FLNC: variants seen among roughly 807,000 people sequenced by gnomAD.
FLNC encodes filamin C.
In FLNC, 91 loss-of-function variants were observed where a neutral mutation model predicts 254.3. That is an observed-to-expected ratio of 0.36 (90% CI 0.30 to 0.43). The LOEUF (loss-of-function observed/expected upper bound fraction) is 0.43, where lower values mean the gene tolerates loss of function less well. FLNC is among the 20% of genes least tolerant of loss of function. The probability of loss-of-function intolerance (pLI) is 1.00; values close to 1 mark genes in which losing one functional copy is unlikely to be tolerated. For synonymous variants in FLNC, 1,430 were observed against 1,577.2 expected (o/e 0.91, Z 2.21); for missense variants, 2,853 against 3,802.6 (o/e 0.75, Z 6.57).
At position 128,840,671 on chromosome 7, in the gene FLNC, G is replaced by T. The variant is rs776881635; in HGVS notation, c.1673G>T (p.Arg558Leu). 11 of 1,614,070 alleles carry T rather than the reference G, an allele frequency of 6.8e-6. No individual in the cohort carries two copies. In the Admixed American group the frequency reaches 1.5e-4, roughly 22 times the overall value. ...TITWGGYAIP[R>L]SPFEVQVSPE... ...ACGTGGGGCGGCTACGCCATCCCTCGCAGGTGAGTACCTTGCGCCCCCCAT... is the reference window on the plus strand; with the variant it reads ...ACGTGGGGCGGCTACGCCATCCCTCTCAGGTGAGTACCTTGCGCCCCCCAT... Residue 558 changes from arginine (R) to leucine (L), a missense_variant, in exon 10 of 48, where the codon CGC becomes CTC. Physicochemically the swap from Arg to Leu is moderately radical, Grantham distance 102. Around this residue, in one of 10 missense-constraint regions of FLNC, gnomAD observed 1,573 missense variants for 1,883.5 expected, o/e 0.84. Transcript: ENST00000325888.
chr7:128,846,204 A>AGGGCCGGGCAG, intron 22 of FLNC, 41 bp downstream of exon 22: 1 of 1,475,598 alleles, frequency 6.8e-7, no homozygotes, highest in Non-Finnish European at 9.0e-7. Flanking sequence ...GGGCTGGGCA[A>AGGGCCGGGCAG]GTGGGCAGGG....
chr7:128,835,642 G>T lies in FLNC; in HGVS notation c.601+68G>T. 1 of 1,557,806 alleles carries T rather than the reference G, an allele frequency of 6.4e-7. No individual in the cohort carries two copies. Among genetic ancestry groups the T allele is most frequent in the Non-Finnish European group, 8.8e-7 (1 of 1,139,310 alleles). ...AAGACAGAGGGGACAAGCTGGGGCT[G>T]CCAAGGCGTGTGGTTGTCAGAATGC... On this transcript the variant is annotated intron_variant, in intron 2 of 47. Coordinates refer to ENST00000325888, the MANE Select transcript of FLNC (RefSeq NM_001458.5). The surrounding 1 kb of genome is among the most constrained non-coding windows in gnomAD (Gnocchi z 5.3).
chr7:128,834,897 G>C (rs1008823597), intron 1 of FLNC, among the ~76,000 whole-genome samples: 1 of 152,174 alleles, frequency 6.6e-6, no homozygotes, highest in African/African-American at 2.4e-5. Context: ...ACGGCTTCGT[G>C]ATATATCCAT....
Position 128,841,134 on chromosome 7 carries a change from A to G in FLNC, c.1814-36A>G. The G allele has an allele frequency of 6.2e-7, 1 of 1,608,454 alleles. No individual in the cohort carries two copies. Among genetic ancestry groups the G allele is most frequent in the South Asian group, 1.1e-5 (1 of 90,698 alleles). On this transcript the variant is annotated intron_variant, in intron 11 of 47. Coordinates refer to ENST00000325888, the MANE Select transcript of FLNC (RefSeq NM_001458.5). The surrounding 1 kb of genome is among the most constrained non-coding windows in gnomAD (Gnocchi z 4.3). ...CTGGGGGACGGAAGGGTCTTGCCTG[A>G]TGCTGGATCCCCGACCCTCCCCCAC...
In FLNC at chr7:128,853,569, C is replaced by T. The variant is rs376992044; in HGVS notation, c.6309C>T (p.Thr2103=). Residue 2103 remains threonine (T), a synonymous_variant, in exon 38 of 48, where the codon ACC becomes ACT. Transcript: ENST00000325888. ...CATGCAAAGTCACCTACTGCCCCAC[C>T]GAGCCCGGCACCTACATCATCAACA... ...DGTCKVTYCP[T]EPGTYIINIK... 1.5e-3 allele frequency: 2,415 copies of T among 1,614,150 alleles called. 3 individuals carry two copies. The highest frequency in any genetic ancestry group is 1.9e-3 in the Non-Finnish European group (2,203 of 1,180,040).
rs961990720 is a variant in FLNC, at chr7:128,853,114, C to T, written c.6208+83C>T. The T allele has an allele frequency of 1.7e-5, 23 of 1,351,368 alleles. No individual in the cohort carries two copies. In the Admixed American group the frequency reaches 2.2e-4, roughly 13 times the overall value. The allele number at this position is 1,351,368 out of a possible 1,614,324, so 83.7% of individuals were successfully genotyped here. A position where few individuals can be genotyped will look rare whatever the true frequency, so the allele number is the denominator to read the frequency against. On this transcript the variant is annotated intron_variant, in intron 37 of 47. Coordinates refer to ENST00000325888, the MANE Select transcript of FLNC (RefSeq NM_001458.5). ...CTCGTCCTGCCCAGCACCCCCTTGG[C>T]CGCACTCTCTCCTCCCTGAAACTTC...
chr7:128,857,155 C>T lies in FLNC; in HGVS notation c.7599C>T (p.Ala2533=), dbSNP rs1184080931. 6.8e-6 allele frequency: 11 copies of T among 1,613,996 alleles called. No individual in the cohort carries two copies. The highest frequency in any genetic ancestry group is 2.2e-5 in the East Asian group (1 of 44,888). Residue 2533 remains alanine, a synonymous_variant, in exon 46 of 48, where the codon GCC becomes GCT. Coordinates refer to ENST00000325888, the MANE Select transcript of FLNC (RefSeq NM_001458.5). This position sits in a 1 kb window ranked among gnomAD's most constrained non-coding sequence, Gnocchi z 4.5. ...SSEFIVNTLN[A]GSGALSVTID... ...AGTTCATCGTGAACACCCTGAATGCCGGCTCGGGGGCCTTGTCTGTCACCA... is the reference window on the plus strand; with the variant it reads ...AGTTCATCGTGAACACCCTGAATGCTGGCTCGGGGGCCTTGTCTGTCACCA...
chr7:128,839,933 G>A, intron 8 of FLNC, 90 bp from the exon 9 acceptor site: 1 of 1,527,452 alleles, frequency 6.5e-7, no homozygotes, highest in Non-Finnish European at 8.9e-7. Flanking sequence ...CTGTGCCTGG[G>A]AGGGGTTAGA....
chr7:128,840,084 G>GA lies in FLNC; in HGVS notation c.1476dup (p.Glu493ArgfsTer4). ...GCCTGCAGCCCAAGGGTGTTCGCGT[G>GA]AAAGAGGTGGCTGACTTCAAGGTGT... is the stretch of plus-strand genomic sequence containing the variant. On this transcript the variant is annotated frameshift_variant, in exon 9 of 48. Coordinates refer to ENST00000325888, the MANE Select transcript of FLNC (RefSeq NM_001458.5). LOFTEE classifies it high-confidence loss of function. 6.2e-7 allele frequency: 1 copy of GA among 1,614,174 alleles called. No homozygotes were observed. Among genetic ancestry groups the GA allele is most frequent in the Non-Finnish European group, 8.5e-7 (1 of 1,180,036 alleles).
chr7:128,854,425 C>T lies in FLNC; in HGVS notation c.6740C>T (p.Ser2247Phe). The stretch of plus-strand genomic sequence containing the variant: ...CCAAACCCTGCAGGTGAGGCCAGCT[C>T]TCAGGACATGACTGCACAGGTGACC... ...ITRQQEGEAS[S>F]QDMTAQVTSP... Residue 2247 changes from serine to phenylalanine, a missense_variant, in exon 41 of 48, where the codon TCT becomes TTT. By Grantham distance (155) the Ser-to-Phe change is radical. This residue lies in a region of FLNC where 551 missense variants were observed against 835.0 expected (regional missense o/e 0.66). Transcript: ENST00000325888. The T allele has an allele frequency of 1.9e-6, 3 of 1,610,548 alleles. No homozygotes were observed. The highest frequency in any genetic ancestry group is 2.5e-6 in the Non-Finnish European group (3 of 1,178,834).
Position 128,843,265 on chromosome 7 carries a change from C to A in FLNC, c.2587C>A (p.Pro863Thr). 6.2e-7 allele frequency: 1 copy of A among 1,610,418 alleles called. No homozygotes were observed. The highest frequency in any genetic ancestry group is 8.5e-7 in the Non-Finnish European group (1 of 1,178,336). ...CAGCCCCTTCCACATCAAGGTGGAC[C>A]CATCCCACGATGCCAGCAAAGTCAA... ...PASPFHIKVD[P>T]SHDASKVKAE... is the part of the protein sequence containing the mutation. The change falls in exon 17 of 48, where the codon CCA becomes ACA. Residue 863 changes from proline (P) to threonine (T), a missense_variant. Pro to Thr is a conservative substitution (Grantham distance 38, BLOSUM62 -1). Transcript: ENST00000325888.
chr7:128,854,325 C>T, intron 40 of FLNC, 88 bp from the exon 41 acceptor site: 1 of 1,598,974 alleles, frequency 6.3e-7, no homozygotes. Context: ...CAGGTCTGAG[C>T]AGAGGAGGAG....
rs1458083495 is a variant in FLNC at position 128,851,350 on chromosome 7, T to C, written c.5658T>C (p.Asp1886=). 6.2e-7 allele frequency: 1 copy of C among 1,613,954 alleles called. No homozygotes were observed. The highest frequency in any genetic ancestry group is 8.5e-7 in the Non-Finnish European group (1 of 1,180,038). The change falls in exon 34 of 48, where the codon GAT becomes GAC. Residue 1886 remains aspartate, a synonymous_variant. Coordinates refer to ENST00000325888, the MANE Select transcript of FLNC (RefSeq NM_001458.5). Reference sequence around the variant, plus strand: ...CCACCTTCACTATTGTCACCAAAGATGCTGGAGAAGGTGAGGGAGCTGCAG... The same window carrying C: ...CCACCTTCACTATTGTCACCAAAGACGCTGGAGAAGGTGAGGGAGCTGCAG... ...KPATFTIVTK[D]AGEGGLSLAV... is the part of the protein sequence containing the mutation.
intron 30 of FLNC, 135 bp from the exon 31 acceptor site, chr7:128,849,841 C>G: frequency 1.3e-6 from 1 of 790,074 alleles, no homozygotes; most frequent in Non-Finnish European, 2.1e-6. Context: ...AGCTCCATCT[C>G]CCCAGAGGCT....
rs570178899 is a variant in FLNC, at chr7:128,842,456, C to A, written c.2265+82C>A. ...AACCCTCGCTGGAGTCCCTGTTGTC[C>A]CTGGGCTCAGGCTGGGACTGAGGCT... On this transcript the variant is annotated intron_variant, in intron 14 of 47. Coordinates refer to ENST00000325888, the MANE Select transcript of FLNC (RefSeq NM_001458.5). The surrounding 1 kb of genome is among the most constrained non-coding windows in gnomAD (Gnocchi z 5.4). 75 of 1,604,332 alleles carry A rather than the reference C, an allele frequency of 4.7e-5. No homozygotes were observed. The highest frequency in any genetic ancestry group is 6.1e-5 in the Non-Finnish European group (72 of 1,175,416).
chr7:128,849,207 G>A lies in FLNC; in HGVS notation c.4951+3G>A, dbSNP rs377554196. The A allele has an allele frequency of 8.7e-6, 14 of 1,613,946 alleles. No homozygotes were observed. In the African/African-American group the frequency reaches 1.2e-4, roughly 14 times the overall value. ...GTCCATTGGAGGCCATGGCCTGGGTGAGTGCCCTTTCTCTCCTCTTCTTGG... is the reference window on the plus strand; with the variant it reads ...GTCCATTGGAGGCCATGGCCTGGGTAAGTGCCCTTTCTCTCCTCTTCTTGG... On this transcript the variant is annotated splice_donor_region_variant and intron_variant, in intron 29 of 47. Transcript: ENST00000325888.
At position 128,838,319 on chromosome 7, in the gene FLNC, A is replaced by T; in HGVS notation, c.1100A>T (p.Asn367Ile). Reference sequence around the variant, plus strand: ...ATTGAACGCAGTCCCTTTGAGGTGAACGTGGGCATGGCCCTGGGAGATGCC... The same window carrying T: ...ATTGAACGCAGTCCCTTTGAGGTGATCGTGGGCATGGCCCTGGGAGATGCC... ...QNIERSPFEVNVGMALGDANK... is the reference protein window; with the variant it reads ...QNIERSPFEVIVGMALGDANK... Residue 367 changes from asparagine to isoleucine, a missense_variant, in exon 7 of 48, where the codon AAC becomes ATC. By Grantham distance (149) the Asn-to-Ile change is moderately radical. Around this residue, in one of 10 missense-constraint regions of FLNC, gnomAD observed 1,573 missense variants for 1,883.5 expected, o/e 0.84. Transcript: ENST00000325888. The T allele has an allele frequency of 1.2e-6, 2 of 1,614,062 alleles. No homozygotes were observed. The highest frequency in any genetic ancestry group is 1.7e-6 in the Non-Finnish European group (2 of 1,179,962).
chr7:128,840,359 C>A (rs1413437689), intron 9 of FLNC, among the ~76,000 whole-genome samples, 189 bp from the exon 10 acceptor site: 1 of 152,206 alleles, frequency 6.6e-6, no homozygotes, highest in Non-Finnish European at 1.5e-5. Flanking sequence ...ATTCTCTCCA[C>A]CCTAAGTGCT....
In FLNC at chr7:128,843,840, C is replaced by T. The variant is rs2128936094; in HGVS notation, c.2856C>T (p.Pro952=). The T allele has an allele frequency of 6.2e-7, 1 of 1,613,856 alleles. No individual in the cohort carries two copies. Among genetic ancestry groups the T allele is most frequent in the African/African-American group, 1.3e-5 (1 of 75,058 alleles). The change falls in exon 19 of 48, where the codon CCC becomes CCT. Residue 952 remains proline, a synonymous_variant. Coordinates refer to ENST00000325888, the MANE Select transcript of FLNC (RefSeq NM_001458.5). The part of the protein sequence containing the change: ...VTVTYGGDPV[P]KSPFVVNVAP... ...TGACTTATGGCGGGGACCCTGTCCC[C>T]AAGAGCCCCTTTGTGGTGAATGTGG... is the stretch of plus-strand genomic sequence containing the variant.
Sources: allele counts gnomAD v4.1 joint callset (sites outside exome capture counted in the v4.1 genomes callset), GRCh38; gene constraint gnomAD v4.1.1; regional missense constraint gnomAD v4.1.1; non-coding constraint Gnocchi (gnomAD v3.1); transcripts MANE v1.5; gene names NCBI Gene and HGNC (gene_info 2026-07-23, HGNC 2026-07-21).